Variants in LAMA2 observed in about 807,000 individuals in gnomAD.
LAMA2 encodes laminin subunit alpha 2.
In LAMA2, 269 loss-of-function variants were observed where a neutral mutation model predicts 364.8. The observed-to-expected ratio is 0.74, with a 90% CI of 0.67 to 0.82. The LOEUF (loss-of-function observed/expected upper bound fraction) is 0.82. LAMA2 is among the 40% of genes least tolerant of loss of function. The probability of loss-of-function intolerance (pLI) is 0.00; values close to 1 mark genes in which losing one functional copy is unlikely to be tolerated. For missense variants in LAMA2, 3,807 were observed against 3,873.2 expected (o/e 0.98, Z 0.45); for synonymous variants, 1,379 against 1,370.6 (o/e 1.01, Z -0.14).
intron 58 of LAMA2, among the ~76,000 whole-genome samples, chr6:129,497,640 T>A (rs551655368): frequency 6.6e-6 from 1 of 151,914 alleles, no homozygotes; most frequent in Non-Finnish European, 1.5e-5. Flanking sequence ...GCTAGCACAG[T>A]TGACAGAAAA....
chr6:129,331,764 A>G (rs1000014857), intron 29 of LAMA2, among the ~76,000 whole-genome samples: 3 of 152,078 alleles, frequency 2.0e-5, no homozygotes, highest in Non-Finnish European at 4.4e-5. Context: ...TATCCCGTCT[A>G]TAATTTCTCT....
chr6:128,924,270 C>G (rs1158425007), intron 1 of LAMA2, among the ~76,000 whole-genome samples: 2 of 152,120 alleles, frequency 1.3e-5, no homozygotes, highest in Non-Finnish European at 2.9e-5. Context: ...TTACCCAAGT[C>G]TTTCCATTAA....
intron 10 of LAMA2, among the ~76,000 whole-genome samples, chr6:129,187,142 G>T (rs1352991251): frequency 4.0e-5 from 6 of 151,826 alleles, no homozygotes; most frequent in Admixed American, 1.3e-4. Flanking sequence ...ATGTCAAGAG[G>T]ATCTTCCAAG....
intron 10 of LAMA2, among the ~76,000 whole-genome samples, chr6:129,188,253 G>A (rs1395553131): frequency 6.6e-6 from 1 of 151,732 alleles, no homozygotes; most frequent in South Asian, 2.1e-4. Flanking sequence ...CTACCCTAAT[G>A]TGTTGCTTCA....
chr6:129,471,987 C>T (rs1486211269), intron 51 of LAMA2, among the ~76,000 whole-genome samples: 1 of 151,842 alleles, frequency 6.6e-6, no homozygotes, highest in East Asian at 1.9e-4. Flanking sequence ...CCAAAGAACA[C>T]TGATTCTGAA....
At chr6:129,247,259 G>C (rs932245075) in intron 12 of LAMA2, among the ~76,000 whole-genome samples, 1 of 152,058 alleles carries the variant, frequency 6.6e-6, no homozygotes, top group Non-Finnish European at 1.5e-5. Flanking sequence ...AGACCAGCCT[G>C]GCCAACATGG....
In LAMA2 at chr6:129,165,668, T is replaced by C. The variant is rs1302623844; in HGVS notation, c.1299T>C (p.Ala433=). The change falls in exon 9 of 65, where the codon GCT becomes GCC. Residue 433 remains alanine (A), a synonymous_variant. Coordinates refer to ENST00000421865, the MANE Select transcript of LAMA2 (RefSeq NM_000426.4). ...NEVCVKDEKH[A]RRGLAPGSCH... ...TCTGTGTCAAGGATGAGAAACATGC[T>C]CGACGAGGTGAGAGCTGCAGCAGAA... 2.5e-6 allele frequency: 4 copies of C among 1,602,772 alleles called. No homozygotes were observed. In the Admixed American group the frequency reaches 6.7e-5, roughly 27 times the overall value.
At position 129,192,692 on chromosome 6, in the gene LAMA2, A is replaced by G. The variant is rs141363186; in HGVS notation, c.1621A>G (p.Ser541Gly). 4,294 of 1,613,948 alleles carry G rather than the reference A, an allele frequency of 2.7e-3. 10 individuals carry two copies. The highest frequency in any genetic ancestry group is 3.2e-3 in the Non-Finnish European group (3,828 of 1,179,820). Residue 541 changes from serine (S) to glycine (G), a missense_variant, in exon 12 of 65, where the codon AGT (serine) becomes GGT (glycine). This residue lies in a region of LAMA2 where 3,333 missense variants were observed against 3,345.7 expected (regional missense o/e 1.00). Transcript: ENST00000421865. ...YWTYGKIQDM[S>G]GWYLTDLPGR... is the part of the protein sequence containing the mutation. ...TGTTTTCTCTAAGATACAAGATATGAGTGGCTGGTATCTGACTGACCTTCC... is the reference window on the plus strand; with the variant it reads ...TGTTTTCTCTAAGATACAAGATATGGGTGGCTGGTATCTGACTGACCTTCC...
At chr6:129,055,166 A>ATTATTAT (rs1788382990) in intron 2 of LAMA2, among the ~76,000 whole-genome samples, 1 of 123,308 alleles carries the variant, frequency 8.1e-6, no homozygotes, top group South Asian at 2.4e-4. Flanking sequence ...TTTACTTTAC[A>ATTATTAT]TTATTATTAT....
At chr6:129,098,142 C>A in intron 3 of LAMA2, 31 bp from the exon 4 acceptor site, 1 of 1,611,132 alleles carries the variant, frequency 6.2e-7, no homozygotes, top group Non-Finnish European at 8.5e-7. Context: ...TTTGGGAATT[C>A]AATGTTATTG....
At chr6:129,356,076 A>G (rs1278477790) in intron 32 of LAMA2, among the ~76,000 whole-genome samples, 1 of 152,160 alleles carries the variant, frequency 6.6e-6, no homozygotes, top group Non-Finnish European at 1.5e-5. Flanking sequence ...CTTGGTCCCT[A>G]AAAGATACTT....
At chr6:129,269,900 AT>A (rs1156721110) in intron 16 of LAMA2, among the ~76,000 whole-genome samples, 1 of 152,198 alleles carries the variant, frequency 6.6e-6, no homozygotes, top group African/African-American at 2.4e-5. Context: ...TTAAAAATAA[AT>A]TTGAGAAAGA....
At chr6:129,413,693 T>C (rs2114715765) in intron 40 of LAMA2, among the ~76,000 whole-genome samples, 1 of 152,274 alleles carries the variant, frequency 6.6e-6, no homozygotes, top group African/African-American at 2.4e-5. Context: ...AAACACAGTT[T>C]AAATTTACGA....
intron 2 of LAMA2, among the ~76,000 whole-genome samples, chr6:129,052,400 G>A (rs1788134654): frequency 6.6e-6 from 1 of 150,494 alleles, no homozygotes. Context: ...TGCCCGCCTC[G>A]GCCTCCCAAA....
rs1035995198 is a variant in LAMA2, at chr6:129,313,942, T to C, written c.3412-713T>C. Among the ~76,000 whole-genome samples, 28 of 152,360 alleles carry C rather than the reference T, an allele frequency of 1.8e-4. 1 individual carries two copies. Among genetic ancestry groups the C allele is most frequent in the African/African-American group, 6.3e-4 (26 of 41,584 alleles). ...ATACATGTTATGTGTGTATATATAT[T>C]ACAATAATTATATAAATTGATATTT... On this transcript the variant is annotated intron_variant, in intron 23 of 64. Coordinates refer to ENST00000421865, the MANE Select transcript of LAMA2 (RefSeq NM_000426.4).
chr6:129,077,115 G>T (rs1050415113), intron 3 of LAMA2, among the ~76,000 whole-genome samples: 1 of 151,904 alleles, frequency 6.6e-6, no homozygotes, highest in Admixed American at 6.6e-5. Context: ...TACAGTTGTG[G>T]GCTAGAATAT....
chr6:129,430,369 G>T (rs192676396), intron 41 of LAMA2, among the ~76,000 whole-genome samples: 1 of 152,292 alleles, frequency 6.6e-6, no homozygotes, highest in East Asian at 1.9e-4. Flanking sequence ...GTGAGCTTCA[G>T]TCATGAATGA....
At chr6:129,010,513 C>T (rs1191591766) in intron 1 of LAMA2, among the ~76,000 whole-genome samples, 1 of 152,160 alleles carries the variant, frequency 6.6e-6, no homozygotes, top group African/African-American at 2.4e-5. Context: ...TAAAAACTTT[C>T]ATGATGTATT....
intron 4 of LAMA2, among the ~76,000 whole-genome samples, chr6:129,108,131 T>C (rs754383009): frequency 6.6e-6 from 1 of 152,102 alleles, no homozygotes; most frequent in Non-Finnish European, 1.5e-5. Context: ...ATCTTGCTCA[T>C]TTTTTAATCT....
Sources: gnomAD v4.1 joint callset for allele counts (sites outside exome capture counted in the v4.1 genomes callset) on GRCh38, gnomAD v4.1.1 for gene constraint, gnomAD v4.1.1 regional missense constraint, MANE v1.5 for transcripts, NCBI Gene and HGNC (gene_info 2026-07-23, HGNC 2026-07-21) for gene names.